SLC24A2: variants seen among roughly 807,000 people sequenced by gnomAD.
SLC24A2 encodes solute carrier family 24 member 2, also known as sodium/potassium/calcium exchanger 2.
In SLC24A2, 36 loss-of-function variants were observed where a neutral mutation model predicts 62.0. That is an observed-to-expected ratio of 0.58 (90% confidence interval 0.44 to 0.77). SLC24A2 has a LOEUF of 0.77. Among genes scored for constraint, SLC24A2 ranks in the 30% least tolerant of loss-of-function variants. The pLI is 0.00. For synonymous variants in SLC24A2, 358 were observed against 294.0 expected (o/e 1.22, Z -2.23); for missense variants, 846 against 817.9 (o/e 1.03, Z -0.42).
chr9:20,249,569 G>A, the SLC24A2 span, among the ~76,000 whole-genome samples: 2 of 151,972 alleles, frequency 1.3e-5, no homozygotes, highest in African/African-American at 4.8e-5. Flanking sequence ...AGCTGACGTG[G>A]TGGCGGGCTC....
At chr9:20,227,894 T>C in the SLC24A2 span, among the ~76,000 whole-genome samples, 4 of 152,184 alleles carry the variant, frequency 2.6e-5, no homozygotes, top group Non-Finnish European at 5.9e-5. Flanking sequence ...GGAAATGTAG[T>C]CACAGAAATT....
intron 4 of SLC24A2, among the ~76,000 whole-genome samples, chr9:19,608,182 G>C (rs922248244): frequency 3.3e-5 from 5 of 152,170 alleles, no homozygotes; most frequent in Admixed American, 1.3e-4. Flanking sequence ...GGTAGTATAA[G>C]CTGATCTAAA....
intron 2 of SLC24A2, among the ~76,000 whole-genome samples, chr9:19,675,369 G>A (rs1000045960): frequency 3.3e-5 from 5 of 152,144 alleles, no homozygotes; most frequent in African/African-American, 7.2e-5. Flanking sequence ...GACAGTGTCA[G>A]CTGCCATAGT....
chr9:20,305,579 A>C, the SLC24A2 span, among the ~76,000 whole-genome samples: 2 of 152,324 alleles, frequency 1.3e-5, no homozygotes, highest in Non-Finnish European at 2.9e-5. Flanking sequence ...CTGATCTCTA[A>C]GTAAATAAAA....
the SLC24A2 span, among the ~76,000 whole-genome samples, chr9:20,106,219 C>A: frequency 5.9e-5 from 9 of 152,190 alleles, no homozygotes; most frequent in Admixed American, 2.0e-4. Context: ...GCTTACCAAC[C>A]AAAAAGAGTC....
At chr9:19,980,496 AAAGT>A in the SLC24A2 span, among the ~76,000 whole-genome samples, 1 of 152,126 alleles carries the variant, frequency 6.6e-6, no homozygotes, top group African/African-American at 2.4e-5. Flanking sequence ...TGAAAAGACA[AAAGT>A]AAGTCTTTCT....
At chr9:20,081,559 G>A in the SLC24A2 span, among the ~76,000 whole-genome samples, 1 of 152,024 alleles carries the variant, frequency 6.6e-6, no homozygotes, top group Admixed American at 6.5e-5. Context: ...CAGCACACCA[G>A]CATGGCACAT....
chr9:20,274,535 G>A, the SLC24A2 span, among the ~76,000 whole-genome samples: 4 of 151,994 alleles, frequency 2.6e-5, no homozygotes, highest in African/African-American at 4.8e-5. Flanking sequence ...TCAAACTCAG[G>A]TCTCTCTACC....
the SLC24A2 span, among the ~76,000 whole-genome samples, chr9:20,243,025 AGT>A: frequency 1.3e-5 from 2 of 152,144 alleles, no homozygotes; most frequent in Non-Finnish European, 2.9e-5. Context: ...ATAACCCAGC[AGT>A]GTTTTATTTC....
At chr9:19,726,367 G>A (rs755323224) in intron 2 of SLC24A2, among the ~76,000 whole-genome samples, 6 of 152,118 alleles carry the variant, frequency 3.9e-5, no homozygotes, top group Non-Finnish European at 5.9e-5. Context: ...CTATATTTTC[G>A]TGTGTGCGAA....
At chr9:19,550,058 C>T (rs780372883) in intron 8 of SLC24A2, 79 bp downstream of exon 8, 7 of 1,465,450 alleles carry the variant, frequency 4.8e-6, no homozygotes, top group Non-Finnish European at 6.7e-6. Flanking sequence ...TTCCTTTTAA[C>T]ACAAACTGAA....
the SLC24A2 span, among the ~76,000 whole-genome samples, chr9:20,077,550 T>A: frequency 7.9e-5 from 12 of 151,366 alleles, no homozygotes; most frequent in African/African-American, 2.7e-4. Context: ...AAGACCAGCT[T>A]TCAGATGAGC....
At chr9:19,533,854 C>T (rs1485091015) in intron 8 of SLC24A2, among the ~76,000 whole-genome samples, 1 of 152,206 alleles carries the variant, frequency 6.6e-6, no homozygotes, top group African/African-American at 2.4e-5. Context: ...TAAGCATGAT[C>T]ACTTACTGGA....
the SLC24A2 span, among the ~76,000 whole-genome samples, chr9:19,953,124 C>A: frequency 6.6e-6 from 1 of 151,920 alleles, no homozygotes; most frequent in Non-Finnish European, 1.5e-5. Context: ...TCCCCTCTTT[C>A]ATTCTTGACA....
At chr9:19,543,923 A>T (rs1834413601) in intron 8 of SLC24A2, among the ~76,000 whole-genome samples, 1 of 152,152 alleles carries the variant, frequency 6.6e-6, no homozygotes, top group Non-Finnish European at 1.5e-5. Flanking sequence ...TGGGGTAGAG[A>T]GTTCTGTAGA....
At chr9:20,181,713 A>G in the SLC24A2 span, among the ~76,000 whole-genome samples, 1 of 152,240 alleles carries the variant, frequency 6.6e-6, no homozygotes, top group Non-Finnish European at 1.5e-5. Context: ...ACCATTCAGG[A>G]CATAGGCATG....
At chr9:19,707,522 C>T (rs1469517653) in intron 2 of SLC24A2, among the ~76,000 whole-genome samples, 4 of 152,134 alleles carry the variant, frequency 2.6e-5, no homozygotes, top group African/African-American at 7.2e-5. Flanking sequence ...ACTGGCAAAC[C>T]AAATCCAGCA....
the SLC24A2 span, among the ~76,000 whole-genome samples, chr9:20,095,494 T>C: frequency 1.3e-5 from 2 of 152,186 alleles, no homozygotes; most frequent in South Asian, 2.1e-4. Flanking sequence ...TGAGCCTGAA[T>C]AGAACTAAAA....
At chr9:19,597,355 A>G (rs1836730245) in intron 4 of SLC24A2, 76 bp from the exon 5 acceptor site, 1 of 986,072 alleles carries the variant, frequency 1.0e-6, no homozygotes, top group South Asian at 1.3e-5. Context: ...CACATTTTTA[A>G]TTAATCAGAT....
Sources: gnomAD v4.1 joint callset for allele counts (sites outside exome capture counted in the v4.1 genomes callset) on GRCh38, gnomAD v4.1.1 for gene constraint, MANE v1.5 for transcripts, NCBI Gene and HGNC (gene_info 2026-07-23, HGNC 2026-07-21) for gene names.